Variants in NOS1AP observed in about 807,000 individuals in gnomAD.
The protein encoded by NOS1AP is nitric oxide synthase 1 adaptor protein, also known as carboxyl-terminal PDZ ligand of neuronal nitric oxide synthase protein.
NOS1AP carries 21 observed loss-of-function variants against 56.2 expected under a neutral mutation model. The observed-to-expected ratio is 0.37, with a 90% confidence interval of 0.26 to 0.54. The LOEUF (loss-of-function observed/expected upper bound fraction) is 0.54, where lower values mean the gene tolerates loss of function less well. Among genes scored for constraint, NOS1AP ranks in the 20% least tolerant of loss-of-function variants. The pLI, the probability that NOS1AP is intolerant of heterozygous loss-of-function variation, is 0.84. For synonymous variants in NOS1AP, 270 were observed against 274.6 expected (o/e 0.98, Z 0.17); for missense variants, 522 against 657.8 (o/e 0.79, Z 2.26).
rs551301599 is a variant in NOS1AP at position 162,265,048 on chromosome 1, C to T, written c.178-22296C>T. ...CAGGCTGGCCTTGAACTCCTGATCT[C>T]AAATGATCCACCCACCTTCGCTTCC... On this transcript the variant is annotated intron_variant, in intron 2 of 9. Transcript: ENST00000361897. Among the ~76,000 whole-genome samples the T allele has an allele frequency of 3.3e-5, 5 of 152,218 alleles. No individual in the cohort carries two copies. The South Asian group carries it at 8.3e-4, about 25-fold the overall frequency.
intron 2 of NOS1AP, among the ~76,000 whole-genome samples, chr1:162,240,701 C>A (rs1653464124): frequency 6.6e-6 from 1 of 152,222 alleles, no homozygotes; most frequent in African/African-American, 2.4e-5. Flanking sequence ...GTATAAACAA[C>A]CCCAAGGGAA....
chr1:162,366,487 G>T (rs1175345237), intron 9 of NOS1AP, among the ~76,000 whole-genome samples: 1 of 152,106 alleles, frequency 6.6e-6, no homozygotes, highest in African/African-American at 2.4e-5. Context: ...CTATACCAGT[G>T]GTTCCCCCAA....
intron 3 of NOS1AP, among the ~76,000 whole-genome samples, chr1:162,295,188 C>T (rs2101747784): frequency 6.6e-6 from 1 of 152,304 alleles, no homozygotes; most frequent in East Asian, 1.9e-4. Flanking sequence ...TTTCTCCTCT[C>T]TTTCTCCTCC....
At chr1:162,319,628 T>G (rs747202397) in intron 4 of NOS1AP, among the ~76,000 whole-genome samples, 1 of 152,036 alleles carries the variant, frequency 6.6e-6, no homozygotes, top group Non-Finnish European at 1.5e-5. Context: ...CGGTGATGGA[T>G]AGATTTCCAT....
chr1:162,320,566 G>A (rs1427110598), intron 4 of NOS1AP, among the ~76,000 whole-genome samples: 1 of 152,182 alleles, frequency 6.6e-6, no homozygotes, highest in Non-Finnish European at 1.5e-5. Context: ...CTTTTAAAAA[G>A]TAATTGGAGC....
intron 4 of NOS1AP, among the ~76,000 whole-genome samples, chr1:162,306,781 AC>A (rs1203305063): frequency 1.3e-5 from 2 of 152,100 alleles, no homozygotes; most frequent in African/African-American, 2.4e-5. Flanking sequence ...TACTAATTAT[AC>A]AAAAATTAGC....
At chr1:162,183,575 A>C (rs1043400211) in intron 2 of NOS1AP, among the ~76,000 whole-genome samples, 12 of 152,226 alleles carry the variant, frequency 7.9e-5, no homozygotes, top group African/African-American at 2.9e-4. Context: ...AGCCACCTTC[A>C]TCAATGATCT....
In NOS1AP at chr1:162,076,370, G is replaced by A. The variant is rs938778623; in HGVS notation, c.105+6088G>A. The stretch of plus-strand genomic sequence containing the variant: ...CATTTATATATTTTCTTTGGAGAAT[G>A]TCTATTCTGATCCTTTGCTCATTTA... On this transcript the variant is annotated intron_variant, in intron 1 of 9. Coordinates refer to ENST00000361897, the MANE Select transcript of NOS1AP (RefSeq NM_014697.3). Among the ~76,000 whole-genome samples, 3 of 152,268 alleles carry A rather than the reference G, an allele frequency of 2.0e-5. No homozygotes were observed. The East Asian group carries it at 5.8e-4, about 29-fold the overall frequency.
chr1:162,147,384 G>A (rs1013964599), intron 1 of NOS1AP, among the ~76,000 whole-genome samples: 13 of 150,514 alleles, frequency 8.6e-5, no homozygotes, highest in Non-Finnish European at 1.8e-4. Context: ...GTCTCTGGAA[G>A]CACCTGACAT....
rs77972637 is a variant in NOS1AP at position 162,204,006 on chromosome 1, C to T, written c.177+49530C>T. On this transcript the variant is annotated intron_variant, in intron 2 of 9. Transcript: ENST00000361897. The stretch of plus-strand genomic sequence containing the variant: ...TCAGCCTAGGCTTAGATTTAGCAGG[C>T]TCGCCTTACTGTCCTCACACCCATC... 2.8e-3 allele frequency among the ~76,000 whole-genome samples: 421 copies of T among 152,324 alleles called. 3 individuals are homozygous for T. Among genetic ancestry groups the T allele is most frequent in the African/African-American group, 9.7e-3 (404 of 41,550 alleles).
intron 2 of NOS1AP, among the ~76,000 whole-genome samples, chr1:162,178,193 G>A (rs1172137349): frequency 6.6e-6 from 1 of 151,884 alleles, no homozygotes; most frequent in Non-Finnish European, 1.5e-5. Context: ...ATTTTTTTTA[G>A]TGCTGATTAA....
intron 1 of NOS1AP, among the ~76,000 whole-genome samples, chr1:162,125,591 T>G (rs763798191): frequency 1.3e-5 from 2 of 152,152 alleles, no homozygotes; most frequent in Non-Finnish European, 2.9e-5. Context: ...TGTAAGTATT[T>G]GGCTTTATTT....
chr1:162,124,473 G>T (rs1648388599), intron 1 of NOS1AP, among the ~76,000 whole-genome samples: 1 of 147,788 alleles, frequency 6.8e-6, no homozygotes, highest in African/African-American at 2.5e-5. Context: ...CATTTTTGTG[G>T]CTGAGTAGTA....
At chr1:162,164,664 C>T (rs1002890914) in intron 2 of NOS1AP, among the ~76,000 whole-genome samples, 3 of 152,206 alleles carry the variant, frequency 2.0e-5, no homozygotes, top group Non-Finnish European at 2.9e-5. Flanking sequence ...TTCTAAGGTA[C>T]ATGCATGCTG....
At chr1:162,094,917 A>C (rs989611974) in intron 1 of NOS1AP, among the ~76,000 whole-genome samples, 1 of 152,198 alleles carries the variant, frequency 6.6e-6, no homozygotes, top group African/African-American at 2.4e-5. Flanking sequence ...GCTGCTGGGA[A>C]CATGTTCCAG....
intron 2 of NOS1AP, among the ~76,000 whole-genome samples, chr1:162,279,350 T>C (rs1654843628): frequency 6.6e-6 from 1 of 152,202 alleles, no homozygotes. Flanking sequence ...GAGTACACAG[T>C]CCGAGATTGC....
At position 162,241,803 on chromosome 1, in the gene NOS1AP, A is replaced by G. The variant is rs1015450561; in HGVS notation, c.178-45541A>G. Among the ~76,000 whole-genome samples, 6 of 152,196 alleles carry G rather than the reference A, an allele frequency of 3.9e-5. No homozygotes were observed. The South Asian group carries it at 1.2e-3, about 31-fold the overall frequency. On this transcript the variant is annotated intron_variant, in intron 2 of 9. Transcript: ENST00000361897. ...AGATGAGGTGACAGATGTCAACATC[A>G]ACAAAGCAGATTCACACTGAAACTC...
chr1:162,244,298 T>G (rs914809159), intron 2 of NOS1AP, among the ~76,000 whole-genome samples: 7 of 152,150 alleles, frequency 4.6e-5, no homozygotes, highest in African/African-American at 1.7e-4. Flanking sequence ...CAGTTGATTT[T>G]CATTCTCTTT....
intron 5 of NOS1AP, chr1:162,342,764 A>G (rs779767486): frequency 2.7e-6 from 1 of 371,316 alleles, no homozygotes; most frequent in Non-Finnish European, 5.4e-6. Flanking sequence ...GGTGGATGTG[A>G]TTGATGGACT....
Sources: gnomAD v4.1 joint callset for allele counts (sites outside exome capture counted in the v4.1 genomes callset) on GRCh38, gnomAD v4.1.1 for gene constraint, MANE v1.5 for transcripts, NCBI Gene and HGNC (gene_info 2026-07-23, HGNC 2026-07-21) for gene names.